BRAT1: variants seen among roughly 807,000 people sequenced by gnomAD.
BRAT1 encodes the protein integrator complex assembly factor BRAT1.
In BRAT1, 74 loss-of-function variants were observed where a neutral mutation model predicts 70.6. The observed-to-expected ratio is 1.05, with a 90% confidence interval of 0.87 to 1.27. The LOEUF (loss-of-function observed/expected upper bound fraction) is 1.27. BRAT1 is among the 50% of genes most tolerant of loss of function. BRAT1 has a pLI of 0.00. For missense variants in BRAT1, 1,203 were observed against 1,098.2 expected, an observed-to-expected ratio of 1.10 and a Z score of -1.35; for synonymous variants, 615 against 517.1, an observed-to-expected ratio of 1.19 and a Z score of -2.57.
At chr7:2,547,553 T>C in intron 2 of BRAT1, 75 bp from the exon 3 acceptor site, 1 of 1,512,274 alleles carries the variant, frequency 6.6e-7, no homozygotes. Flanking sequence ...GCTCTTCTCC[T>C]AGCAATTCCC....
chr7:2,538,550 A>G lies in BRAT1; in HGVS notation c.1985T>C (p.Leu662Pro). Reference protein sequence around the residue: ...AQGLELALVFLGQTLGPPRTH... With the variant: ...AQGLELALVFPGQTLGPPRTH... Reference sequence around the variant, plus strand: ...ACGCGGCGGCCCCAAAGTCTGGCCCAGGAACACGAGGGCCAGCTCCAGGCC... The same window carrying G: ...ACGCGGCGGCCCCAAAGTCTGGCCCGGGAACACGAGGGCCAGCTCCAGGCC... Residue 662 changes from leucine (L) to proline (P), a missense_variant, in exon 14 of 14, where the codon CTG becomes CCG. By Grantham distance (98) the Leu-to-Pro change is moderately conservative. Transcript: ENST00000340611. The G allele has an allele frequency of 6.2e-7, 1 of 1,601,474 alleles. No homozygotes were observed. The highest frequency in any genetic ancestry group is 8.5e-7 in the Non-Finnish European group (1 of 1,177,900).
chr7:2,552,081 A>AATATATATATATATGTATATATATAT (rs1780049788), intron 2 of BRAT1, among the ~76,000 whole-genome samples: 1 of 23,382 alleles, frequency 4.3e-5, no homozygotes, highest in Non-Finnish European at 6.7e-5. Flanking sequence ...CATAGTCTTA[A>AATATATATATATATGTATATATATAT]ATATATATAT....
chr7:2,547,242 C>A, intron 3 of BRAT1, 82 bp downstream of exon 3: 1 of 1,545,780 alleles, frequency 6.5e-7, no homozygotes, highest in Non-Finnish European at 8.9e-7. Flanking sequence ...ATGGTGATGG[C>A]TACAAATGCC....
chr7:2,549,920 T>C (rs1270331824), intron 2 of BRAT1, among the ~76,000 whole-genome samples: 1 of 152,096 alleles, frequency 6.6e-6, no homozygotes, highest in Non-Finnish European at 1.5e-5. Flanking sequence ...GACACAACAT[T>C]CCTACATCTA....
At chr7:2,539,421 A>G in intron 12 of BRAT1, 70 bp from the exon 13 acceptor site, 2 of 1,537,448 alleles carry the variant, frequency 1.3e-6, no homozygotes, top group African/African-American at 1.4e-5. Flanking sequence ...CTCTGCCTCC[A>G]TCCCCTTGTG....
At position 2,539,833 on chromosome 7, in the gene BRAT1, G is replaced by A. The variant is rs200248064; in HGVS notation, c.1451C>T (p.Thr484Ile). Reference protein sequence around the residue: ...TLRWLLSSPKTPGCSDLGPLI... With the variant: ...TLRWLLSSPKIPGCSDLGPLI... Reference sequence around the variant, plus strand: ...GGGGCCGAGATCAGAGCAGCCGGGGGTCTTGGGTGAGCTCAGGAGCCACCT... The same window carrying A: ...GGGGCCGAGATCAGAGCAGCCGGGGATCTTGGGTGAGCTCAGGAGCCACCT... Residue 484 changes from threonine to isoleucine, a missense_variant, in exon 11 of 14, where the codon ACC becomes ATC. Transcript: ENST00000340611. 3 of 1,609,916 alleles carry A rather than the reference G, an allele frequency of 1.9e-6. No homozygotes were observed. Among genetic ancestry groups the A allele is most frequent in the South Asian group, 1.1e-5 (1 of 90,226 alleles).
In BRAT1 at chr7:2,554,448, C is replaced by T. The variant is rs1007836817; in HGVS notation, c.-16-1G>A. 5.6e-6 allele frequency: 9 copies of T among 1,610,424 alleles called. No individual in the cohort carries two copies. The highest frequency in any genetic ancestry group is 6.8e-6 in the Non-Finnish European group (8 of 1,178,912). On this transcript the variant is annotated splice_acceptor_variant, in intron 1 of 13. Transcript: ENST00000340611. LOFTEE classifies it low-confidence loss of function (5UTR_SPLICE). ...TGGGTCCATGGTGAGGCCGCAGGCC[C>T]TGCAAAGGCAATGTGAGAGCCAAAC...
At chr7:2,553,275 C>A (rs776999840) in intron 2 of BRAT1, among the ~76,000 whole-genome samples, 8 of 152,202 alleles carry the variant, frequency 5.3e-5, no homozygotes, top group Non-Finnish European at 1.0e-4. Flanking sequence ...AAGTGACCTA[C>A]CCGCCTTGGC....
At chr7:2,541,175 C>A (rs1583300772) in intron 9 of BRAT1, 123 bp from the exon 10 acceptor site, 2 of 1,375,592 alleles carry the variant, frequency 1.5e-6, no homozygotes. Flanking sequence ...GGCCCCTGCA[C>A]CCCTCAGCCC....
chr7:2,552,840 G>A lies in BRAT1; in HGVS notation c.127+1465C>T, dbSNP rs142422301. Among the ~76,000 whole-genome samples, 1,422 of 151,082 alleles carry A rather than the reference G, an allele frequency of 9.4e-3. 10 individuals are homozygous for A. Among genetic ancestry groups the A allele is most frequent in the Non-Finnish European group, 0.016 (1,083 of 67,846 alleles). ...TGCAAGCTCTGCCTCCTGTGTTCAC[G>A]CCATTCTCCTGCCCAGCCTCCCAAG... On this transcript the variant is annotated intron_variant, in intron 2 of 13. Coordinates refer to ENST00000340611, the MANE Select transcript of BRAT1 (RefSeq NM_152743.4).
rs1267891880 is a variant in BRAT1 at position 2,544,861 on chromosome 7, G to A, written c.430+48C>T. ...CAGCAAGGTGCAGTGAATTCCCTGG[G>A]ATCACACAGGCAGGATGAGGAATGG... On this transcript the variant is annotated intron_variant, in intron 4 of 13. Transcript: ENST00000340611. 9.7e-6 allele frequency: 15 copies of A among 1,540,928 alleles called. No individual in the cohort carries two copies. The East Asian group carries it at 3.7e-4, about 38-fold the overall frequency.
At chr7:2,544,197 GTTGTTTTTT>G (rs1795797484) in intron 4 of BRAT1, 1 of 119,892 alleles carries the variant, frequency 8.3e-6, no homozygotes, top group African/African-American at 5.8e-5. Context: ...GTTCCTTCTT[GTTGTTTTTT>G]TTTTTTTTTT....
chr7:2,546,832 C>G (rs950099974), intron 3 of BRAT1, among the ~76,000 whole-genome samples: 1 of 152,196 alleles, frequency 6.6e-6, no homozygotes, highest in Non-Finnish European at 1.5e-5. Context: ...GTTATTCATT[C>G]ATTTGTAGGC....
Position 2,547,205 on chromosome 7 carries a change from G to A in BRAT1, c.282+119C>T, listed in dbSNP as rs1216025231. On this transcript the variant is annotated intron_variant, in intron 3 of 13. Transcript: ENST00000340611. ...ACATGCAGTTCTAGTGAGGACACAG[G>A]GTCGGGGCAGGCCGCTGGGACTTGG... The A allele has an allele frequency of 6.1e-6, 8 of 1,315,248 alleles. No individual in the cohort carries two copies. In the Admixed American group the frequency reaches 1.6e-4, roughly 26 times the overall value. 81.5% of individuals were successfully genotyped at this position (1,315,248 alleles called of 1,614,324 possible).
intron 3 of BRAT1, among the ~76,000 whole-genome samples, chr7:2,545,581 C>G (rs1779552825): frequency 6.6e-6 from 1 of 150,568 alleles, no homozygotes; most frequent in Non-Finnish European, 1.5e-5. Flanking sequence ...CCTCTGCCTC[C>G]TGGGCTCAAG....
At chr7:2,554,658 G>A (rs1444803035) in intron 1 of BRAT1, among the ~76,000 whole-genome samples, 6 of 152,238 alleles carry the variant, frequency 3.9e-5, no homozygotes, top group African/African-American at 1.2e-4. Flanking sequence ...CGCTGGTGGC[G>A]GGGCTGAAAG....
In BRAT1 at chr7:2,554,389, C is replaced by G. The variant is rs1255001252; in HGVS notation, c.43G>C (p.Val15Leu). Residue 15 changes from valine to leucine, a missense_variant, in exon 2 of 14, where the codon GTT becomes CTT. Transcript: ENST00000340611. ...CAQLLPALCA[V>L]LVDPRQPVAD... ...ACCGGCTGCCTGGGATCTACCAGAA[C>G]AGCACAGAGAGCCGGGAGCAGCTGG... is the stretch of plus-strand genomic sequence containing the variant. 1 of 1,614,044 alleles carries G rather than the reference C, an allele frequency of 6.2e-7. No homozygotes were observed. Among genetic ancestry groups the G allele is most frequent in the Non-Finnish European group, 8.5e-7 (1 of 1,179,944 alleles).
chr7:2,550,419 G>A (rs2128408681), intron 2 of BRAT1, among the ~76,000 whole-genome samples: 1 of 120,492 alleles, frequency 8.3e-6, no homozygotes, highest in South Asian at 2.8e-4. Context: ...AGTGAACCGA[G>A]ATCATGCCAC....
In BRAT1 at chr7:2,545,134, G is replaced by A. The variant is rs1779506511; in HGVS notation, c.283-78C>T. ...TAATCCCAGCACTTTGGGAGGCCGA[G>A]GAGGGCAGATCACGAGGTCAGGAGT... On this transcript the variant is annotated intron_variant, in intron 3 of 13. Coordinates refer to ENST00000340611, the MANE Select transcript of BRAT1 (RefSeq NM_152743.4). 8 of 1,404,926 alleles carry A rather than the reference G, an allele frequency of 5.7e-6. No individual in the cohort carries two copies. The East Asian group carries it at 1.6e-4, about 28-fold the overall frequency. The allele number at this position is 1,404,926 out of a possible 1,614,324, so 87.0% of individuals were successfully genotyped here. A position where few individuals can be genotyped will look rare whatever the true frequency, so the allele number is the denominator to read the frequency against.
Sources: allele counts gnomAD v4.1 joint callset (sites outside exome capture counted in the v4.1 genomes callset), GRCh38; gene constraint gnomAD v4.1.1; transcripts MANE v1.5; gene names NCBI Gene and HGNC (gene_info 2026-07-23, HGNC 2026-07-21).